Variants in LINGO2 observed in about 807,000 individuals in gnomAD.
The protein encoded by LINGO2 is leucine-rich repeat and immunoglobulin-like domain-containing nogo receptor-interacting protein 2.
Under a neutral mutation model 30.6 loss-of-function variants are expected in LINGO2, and 14 were observed. The ratio of observed to expected loss-of-function variants is 0.46; its 90% CI spans 0.30 to 0.72. The LOEUF is 0.72. LINGO2 is among the 30% of genes least tolerant of loss of function. The pLI is 0.07. For synonymous variants in LINGO2, 317 were observed against 288.5 expected, an observed-to-expected ratio of 1.10 and a Z score of -1.00; for missense variants, 729 against 751.7, an observed-to-expected ratio of 0.97 and a Z score of 0.35.
At chr9:28,642,359 T>C (rs1237831018) in intron 1 of LINGO2, among the ~76,000 whole-genome samples, 1 of 152,154 alleles carries the variant, frequency 6.6e-6, no homozygotes. Context: ...GTGACCATTG[T>C]CCATAATCAA....
chr9:28,328,949 A>G (rs1825324613), intron 3 of LINGO2, among the ~76,000 whole-genome samples: 1 of 152,164 alleles, frequency 6.6e-6, no homozygotes, highest in African/African-American at 2.4e-5. Flanking sequence ...ATTTGACAAA[A>G]AAATAATATC....
chr9:28,310,662 T>G (rs1045582276), intron 3 of LINGO2, among the ~76,000 whole-genome samples: 4 of 152,194 alleles, frequency 2.6e-5, no homozygotes, highest in Non-Finnish European at 5.9e-5. Flanking sequence ...GATGGTTTCA[T>G]GGGTATATTC....
At chr9:28,178,694 G>A (rs907144974) in intron 4 of LINGO2, among the ~76,000 whole-genome samples, 1 of 152,080 alleles carries the variant, frequency 6.6e-6, no homozygotes, top group African/African-American at 2.4e-5. Flanking sequence ...CCATAAATGT[G>A]CTATTTTCAT....
At chr9:28,236,942 A>G (rs746818418) in intron 4 of LINGO2, among the ~76,000 whole-genome samples, 1 of 152,130 alleles carries the variant, frequency 6.6e-6, no homozygotes. Context: ...TGAATACCCA[A>G]TTTGTCATCA....
At chr9:29,211,908 G>A in the LINGO2 span, among the ~76,000 whole-genome samples, 1 of 152,048 alleles carries the variant, frequency 6.6e-6, no homozygotes, top group African/African-American at 2.4e-5. Context: ...GGGGGAAATT[G>A]GGCATTAGTT....
the LINGO2 span, among the ~76,000 whole-genome samples, chr9:29,202,163 A>T: frequency 6.6e-6 from 1 of 151,892 alleles, no homozygotes; most frequent in Non-Finnish European, 1.5e-5. Context: ...TGGAAAGATA[A>T]ATAGGCCAAT....
intron 5 of LINGO2, among the ~76,000 whole-genome samples, chr9:27,989,833 T>C (rs745881097): frequency 2.0e-5 from 3 of 152,038 alleles, no homozygotes; most frequent in Non-Finnish European, 4.4e-5. Context: ...AAGAAAGTTG[T>C]AGAACTGGGA....
the LINGO2 span, among the ~76,000 whole-genome samples, chr9:28,995,889 A>T: frequency 9.9e-6 from 1 of 101,518 alleles, no homozygotes; most frequent in Non-Finnish European, 2.4e-5. Context: ...GGGATGGGGG[A>T]GGGATAGCAT....
the LINGO2 span, among the ~76,000 whole-genome samples, chr9:28,794,690 T>G: frequency 2.6e-5 from 4 of 152,208 alleles, no homozygotes; most frequent in African/African-American, 9.6e-5. Context: ...ATTAGAAAAC[T>G]CTAATTGTCT....
At chr9:29,113,148 A>C in the LINGO2 span, among the ~76,000 whole-genome samples, 1 of 152,218 alleles carries the variant, frequency 6.6e-6, no homozygotes, top group East Asian at 1.9e-4. Flanking sequence ...CATGGATTTC[A>C]ATTTTTTGCC....
chr9:29,101,229 G>A, the LINGO2 span, among the ~76,000 whole-genome samples: 1 of 152,038 alleles, frequency 6.6e-6, no homozygotes, highest in Non-Finnish European at 1.5e-5. Flanking sequence ...CACCGTTAGT[G>A]GAATTAATCA....
chr9:28,003,962 A>AT (rs897910592), intron 5 of LINGO2, among the ~76,000 whole-genome samples: 6 of 152,270 alleles, frequency 3.9e-5, no homozygotes, highest in African/African-American at 1.2e-4. Flanking sequence ...CTGGTTGAAT[A>AT]TTTTTTTAAC....
intron 4 of LINGO2, among the ~76,000 whole-genome samples, chr9:28,188,814 T>C (rs55891963): frequency 0.14 from 20,707 of 152,168 alleles, 1,562 homozygotes; most frequent in East Asian, 0.22. Context: ...TATAGGCTGC[T>C]GTGACAACAT....
intron 4 of LINGO2, among the ~76,000 whole-genome samples, chr9:28,091,344 A>C (rs1826079125): frequency 1.3e-5 from 2 of 152,242 alleles, no homozygotes; most frequent in Admixed American, 6.5e-5. Flanking sequence ...CCAAAACAGC[A>C]TGGTACTGGT....
intron 4 of LINGO2, among the ~76,000 whole-genome samples, chr9:28,018,308 CATG>C (rs1414108452): frequency 2.0e-5 from 3 of 152,116 alleles, no homozygotes; most frequent in African/African-American, 7.2e-5. Flanking sequence ...GCAAAGATTT[CATG>C]ATGAAGATGC....
At chr9:28,353,377 A>C (rs1226677477) in intron 3 of LINGO2, among the ~76,000 whole-genome samples, 5 of 150,834 alleles carry the variant, frequency 3.3e-5, no homozygotes, top group African/African-American at 1.2e-4. Flanking sequence ...GAAGACATTT[A>C]TGCAGCCAAA....
the LINGO2 span, among the ~76,000 whole-genome samples, chr9:29,119,760 G>A: frequency 5.3e-5 from 8 of 151,316 alleles, no homozygotes; most frequent in African/African-American, 1.7e-4. Context: ...CACCACACCC[G>A]GCTAATTTTG....
intron 1 of LINGO2, among the ~76,000 whole-genome samples, chr9:28,494,888 T>C (rs1157192321): frequency 3.9e-5 from 6 of 152,238 alleles, no homozygotes; most frequent in African/African-American, 7.2e-5. Context: ...TGTTGTTTCC[T>C]GACCTTTTAA....
intron 1 of LINGO2, among the ~76,000 whole-genome samples, chr9:28,614,924 T>C (rs1826074459): frequency 1.3e-5 from 2 of 152,138 alleles, no homozygotes; most frequent in Admixed American, 1.3e-4. Context: ...TGCTAGAGGA[T>C]GCAGAGGCTT....
Sources: allele counts gnomAD v4.1 joint callset (sites outside exome capture counted in the v4.1 genomes callset), GRCh38; gene constraint gnomAD v4.1.1; transcripts MANE v1.5; gene names NCBI Gene and HGNC (gene_info 2026-07-23, HGNC 2026-07-21).